The following DHRSX variants were observed in gnomAD, a reference collection of about 807,000 sequenced individuals.
The protein encoded by DHRSX is polyprenol dehydrogenase.
DHRSX carries 31 observed loss-of-function variants against 34.0 expected under a neutral mutation model. The observed-to-expected ratio is 0.91, with a 90% CI of 0.69 to 1.23. The LOEUF (loss-of-function observed/expected upper bound fraction) is 1.23. Among genes scored for constraint, DHRSX ranks in the 50% most tolerant of loss-of-function variants. DHRSX has a pLI of 0.00. For missense variants in DHRSX, 414 were observed against 428.1 expected, an observed-to-expected ratio of 0.97 and a Z score of 0.29; for synonymous variants, 201 against 183.8, an observed-to-expected ratio of 1.09 and a Z score of -0.76.
intron 3 of DHRSX, among the ~76,000 whole-genome samples, chrX:2,326,471 C>T (rs1390550571): frequency 6.6e-6 from 1 of 152,054 alleles, no homozygotes; most frequent in Non-Finnish European, 1.5e-5. Flanking sequence ...TGTAGTGAGC[C>T]CAGATCGCAC....
chrX:2,408,701 G>GAAA (rs112731156), intron 3 of DHRSX, 44 bp downstream of exon 3: 219 of 1,340,294 alleles, frequency 1.6e-4, no homozygotes, highest in Admixed American at 3.1e-4. Context: ...CTGTCCCAAG[G>GAAA]AAAAAAAAAA....
chrX:2,371,548 T>TGTTACCATAGTCCCTCCTTCC (rs1315794696), intron 3 of DHRSX, among the ~76,000 whole-genome samples: 1 of 54,228 alleles, frequency 1.8e-5, no homozygotes, highest in Admixed American at 2.3e-4. Flanking sequence ...TCCGTCCTTC[T>TGTTACCATAGTCCCTCCTTCC]GTTACCATAG....
At chrX:2,399,326 G>A (rs767169123) in intron 3 of DHRSX, among the ~76,000 whole-genome samples, 6 of 151,546 alleles carry the variant, frequency 4.0e-5, no homozygotes, top group African/African-American at 1.2e-4. Flanking sequence ...AGCCTGACTC[G>A]GGACACTTCT....
At chrX:2,346,454 C>T (rs2042713063) in intron 3 of DHRSX, among the ~76,000 whole-genome samples, 1 of 152,084 alleles carries the variant, frequency 6.6e-6, no homozygotes. Context: ...TTCCTGCCCC[C>T]AGCCTCCCCT....
At chrX:2,428,887 G>A (rs899344584) in intron 1 of DHRSX, among the ~76,000 whole-genome samples, 2 of 152,176 alleles carry the variant, frequency 1.3e-5, no homozygotes, top group East Asian at 1.9e-4. Context: ...ACAATCGCCA[G>A]GGTGATGGTA....
intron 3 of DHRSX, among the ~76,000 whole-genome samples, chrX:2,359,667 G>A (rs34316612): frequency 0.087 from 13,199 of 151,602 alleles, 639 homozygotes; most frequent in Middle Eastern, 0.14. Context: ...GTGACACAGC[G>A]AGACTCCATA....
At chrX:2,309,373 G>A (rs1451384159) in intron 3 of DHRSX, among the ~76,000 whole-genome samples, 2 of 151,838 alleles carry the variant, frequency 1.3e-5, no homozygotes, top group Admixed American at 6.6e-5. Flanking sequence ...AGGAGGGCAG[G>A]AATTGCTTGA....
intron 2 of DHRSX, among the ~76,000 whole-genome samples, 196 bp downstream of exon 2, chrX:2,425,001 G>A (rs1385796817): frequency 2.6e-5 from 4 of 151,978 alleles, no homozygotes; most frequent in Non-Finnish European, 4.4e-5. Context: ...TTATCCAGGC[G>A]TGGTGGTGCA....
At chrX:2,270,718 TCTG>T (rs1287468541) in intron 4 of DHRSX, among the ~76,000 whole-genome samples, 1 of 152,122 alleles carries the variant, frequency 6.6e-6, no homozygotes, top group East Asian at 1.9e-4. Context: ...TGGATGGAGA[TCTG>T]CTGCTTTTGA....
intron 3 of DHRSX, among the ~76,000 whole-genome samples, chrX:2,377,131 C>A (rs776818228): frequency 2.6e-5 from 4 of 152,182 alleles, no homozygotes; most frequent in African/African-American, 9.6e-5. Context: ...TCATGGAACA[C>A]AATTTTTCCA....
intron 3 of DHRSX, among the ~76,000 whole-genome samples, chrX:2,405,780 G>C (rs2043546022): frequency 1.3e-5 from 2 of 151,878 alleles, no homozygotes. Context: ...CTGGGCAACA[G>C]AGTGAGACCC....
chrX:2,421,582 T>C (rs1325343847), intron 2 of DHRSX, among the ~76,000 whole-genome samples: 2 of 152,164 alleles, frequency 1.3e-5, no homozygotes, highest in Non-Finnish European at 2.9e-5. Flanking sequence ...CAAAGACTCC[T>C]GGGGATTCCT....
chrX:2,397,282 C>T (rs1184160175), intron 3 of DHRSX, among the ~76,000 whole-genome samples: 1 of 152,096 alleles, frequency 6.6e-6, no homozygotes, highest in Non-Finnish European at 1.5e-5. Flanking sequence ...CCACAGTGCA[C>T]CCCACCAAGC....
intron 3 of DHRSX, among the ~76,000 whole-genome samples, chrX:2,377,831 C>T (rs1184547212): frequency 1.3e-5 from 2 of 151,904 alleles, no homozygotes; most frequent in African/African-American, 2.4e-5. Flanking sequence ...CTCCGCCTCC[C>T]GGGTTCAAGT....
chrX:2,441,120 A>G (rs1466908797), intron 1 of DHRSX, among the ~76,000 whole-genome samples: 1 of 152,220 alleles, frequency 6.6e-6, no homozygotes, highest in Admixed American at 6.5e-5. Flanking sequence ...AGCACGTGTC[A>G]GTCCCAGGGT....
chrX:2,269,085 A>G (rs1281574923), intron 4 of DHRSX, among the ~76,000 whole-genome samples: 7 of 152,246 alleles, frequency 4.6e-5, no homozygotes, highest in Non-Finnish European at 1.0e-4. Flanking sequence ...GCATGTGTAC[A>G]TATCTTTCTA....
Position 2,299,014 on chromosome X carries a change from A to AAAAT in DHRSX, c.287-7412_287-7411insATTT, listed in dbSNP as rs1191716751. 2.6e-3 allele frequency among the ~76,000 whole-genome samples: 339 copies of AAAAT among 131,524 alleles called. 29 individuals are homozygous for AAAAT. The highest frequency in any genetic ancestry group is 4.8e-3 in the African/African-American group (154 of 32,388). The allele number at this position is 131,524 out of a possible 152,430, so 86.3% of individuals were successfully genotyped here. ...AAAAAAAAAAAAAAAAAAAAAAAAA[A>AAAAT]TGGGAAAAATGTGGAAGGATTCCTT... On this transcript the variant is annotated intron_variant, in intron 3 of 6. Coordinates refer to ENST00000334651, the MANE Select transcript of DHRSX (RefSeq NM_145177.3).
chrX:2,317,097 A>G (rs915531007), intron 3 of DHRSX, among the ~76,000 whole-genome samples: 24 of 151,834 alleles, frequency 1.6e-4, no homozygotes, highest in Non-Finnish European at 2.8e-4. Context: ...AGCTGGGATT[A>G]CAAGTGCACG....
intron 3 of DHRSX, among the ~76,000 whole-genome samples, chrX:2,353,970 G>T (rs1569492833): frequency 6.6e-6 from 1 of 152,082 alleles, no homozygotes; most frequent in Non-Finnish European, 1.5e-5. Context: ...GGAGAGCCCA[G>T]GAAGAAGGCA....
Sources: allele counts gnomAD v4.1 joint callset (sites outside exome capture counted in the v4.1 genomes callset), GRCh38; gene constraint gnomAD v4.1.1; transcripts MANE v1.5; gene names NCBI Gene and HGNC (gene_info 2026-07-23, HGNC 2026-07-21).